Variants in OARD1 observed in about 807,000 individuals in gnomAD.
The protein encoded by OARD1 is O-acyl-ADP-ribose deacylase 1.
OARD1 carries 19 observed loss-of-function variants against 19.7 expected under a neutral mutation model. That is an observed-to-expected ratio of 0.96 (90% CI 0.67 to 1.41). The LOEUF is 1.41. Among genes scored for constraint, OARD1 ranks in the 40% most tolerant of loss-of-function variants. The pLI is 0.00. For synonymous variants in OARD1, 70 were observed against 61.8 expected, an observed-to-expected ratio of 1.13 and a Z score of -0.62; for missense variants, 190 against 183.8, an observed-to-expected ratio of 1.03 and a Z score of -0.20.
intron 1 of OARD1, among the ~76,000 whole-genome samples, chr6:41,078,876 C>A (rs931260977): frequency 1.3e-5 from 2 of 152,176 alleles, no homozygotes; most frequent in African/African-American, 4.8e-5. Flanking sequence ...GCCATGTAAT[C>A]CCAGTTAAAA....
rs1242332186 is a variant in OARD1, at chr6:41,091,449, G to T, written c.-42+6264C>A. Reference sequence around the variant, plus strand: ...AGGATCGGTGAGTGTATACCAGATAGAAGAGGGACTAACTATGTTCCCTTC... The same window carrying T: ...AGGATCGGTGAGTGTATACCAGATATAAGAGGGACTAACTATGTTCCCTTC... On this transcript the variant is annotated intron_variant, in intron 1 of 4. Transcript: ENST00000480585. The T allele has an allele frequency of 3.5e-6, 5 of 1,429,244 alleles. No individual in the cohort carries two copies. In the East Asian group the frequency reaches 1.2e-4, roughly 34 times the overall value. The allele number at this position is 1,429,244 out of a possible 1,614,324, so 88.5% of individuals were successfully genotyped here. A position where few individuals can be genotyped will look rare whatever the true frequency, so the allele number is the denominator to read the frequency against.
chr6:41,072,619 C>CA (rs1763531125), upstream of OARD1: 1 of 152,380 alleles, frequency 6.6e-6, no homozygotes, highest in Non-Finnish European at 1.5e-5. Flanking sequence ...GAAACTGCCC[C>CA]ACGAGTCGGG....
intron 1 of OARD1, among the ~76,000 whole-genome samples, chr6:41,093,491 G>C (rs1764252059): frequency 6.7e-6 from 1 of 149,532 alleles, no homozygotes; most frequent in Non-Finnish European, 1.5e-5. Flanking sequence ...TTTTTCCTGA[G>C]ACTCAGTCTT....
chr6:41,076,280 C>G (rs946327040), upstream of OARD1, among the ~76,000 whole-genome samples: 2 of 152,124 alleles, frequency 1.3e-5, no homozygotes, highest in African/African-American at 4.8e-5. Flanking sequence ...CAAAGTGCAT[C>G]TTGTGTTGTA....
chr6:41,091,717 T>A (rs771918795), intron 1 of OARD1: 2 of 1,603,462 alleles, frequency 1.2e-6, no homozygotes, highest in East Asian at 2.2e-5. Flanking sequence ...ATTTTTCAGC[T>A]TTGTCTTTGA....
intron 1 of OARD1, among the ~76,000 whole-genome samples, chr6:41,083,483 G>GTA (rs59501357): frequency 0.032 from 4,941 of 152,216 alleles, 201 homozygotes; most frequent in East Asian, 0.11. Flanking sequence ...CAGGATAAAG[G>GTA]TATACATTTG....
upstream of OARD1, among the ~76,000 whole-genome samples, chr6:41,073,670 G>A (rs1241921289): frequency 6.6e-6 from 1 of 151,990 alleles, no homozygotes; most frequent in Non-Finnish European, 1.5e-5. Flanking sequence ...GGTCCCGTGT[G>A]CGGCTGGCAA....
intron 1 of OARD1, among the ~76,000 whole-genome samples, chr6:41,082,142 A>G (rs1480899557): frequency 6.6e-6 from 1 of 152,238 alleles, no homozygotes; most frequent in East Asian, 1.9e-4. Context: ...CATCCAGCAG[A>G]TAACTACCTC....
intron 1 of OARD1, chr6:41,084,042 C>G: frequency 6.3e-7 from 1 of 1,586,796 alleles, no homozygotes; most frequent in South Asian, 1.2e-5. Context: ...TTATTTCATT[C>G]TAGGTCCAAG....
chr6:41,086,314 AG>A (rs1764042812), intron 1 of OARD1, among the ~76,000 whole-genome samples: 1 of 152,212 alleles, frequency 6.6e-6, no homozygotes, highest in South Asian at 2.1e-4. Flanking sequence ...GATGATATCT[AG>A]GGTTCATTCT....
chr6:41,083,072 T>C (rs1273043309), intron 1 of OARD1, among the ~76,000 whole-genome samples: 1 of 152,266 alleles, frequency 6.6e-6, no homozygotes, highest in African/African-American at 2.4e-5. Flanking sequence ...TATTCTGTTC[T>C]AAGTAATTTC....
chr6:41,071,284 A>C lies in OARD1; in HGVS notation c.40-8T>G. ...TCCTTTCACATAAGTGATCTAAAAAATGTGCAAAGGAAAAGACAATGTTTT... is the reference window on the plus strand; with the variant it reads ...TCCTTTCACATAAGTGATCTAAAAACTGTGCAAAGGAAAAGACAATGTTTT... On this transcript the variant is annotated splice_region_variant and splice_polypyrimidine_tract_variant and intron_variant, in intron 2 of 5. Transcript: ENST00000424266. 1 of 1,612,872 alleles carries C rather than the reference A, an allele frequency of 6.2e-7. No individual in the cohort carries two copies. Among genetic ancestry groups the C allele is most frequent in the African/African-American group, 1.3e-5 (1 of 74,932 alleles).
At chr6:41,091,384 A>G (rs1764193877) in intron 1 of OARD1, 1 of 695,554 alleles carries the variant, frequency 1.4e-6, no homozygotes, top group Admixed American at 2.9e-5. Flanking sequence ...ACAGTGGGAG[A>G]GTACTTTTTC....
In OARD1 at chr6:41,085,682, G is replaced by A. The variant is rs9471473; in HGVS notation, c.-42+12031C>T. Reference sequence around the variant, plus strand: ...CTCATAAATCAAACTTGTACTTTTTGTGTATTCTTTTGTGTTTTTATGCAT... The same window carrying A: ...CTCATAAATCAAACTTGTACTTTTTATGTATTCTTTTGTGTTTTTATGCAT... On this transcript the variant is annotated intron_variant, in intron 1 of 4. Transcript: ENST00000480585. Among the ~76,000 whole-genome samples, 539 of 152,022 alleles carry A rather than the reference G, an allele frequency of 3.5e-3. 3 individuals are homozygous for A. Among genetic ancestry groups the A allele is most frequent in the African/African-American group, 0.012 (512 of 41,458 alleles).
chr6:41,086,102 T>G (rs1466008259), intron 1 of OARD1, among the ~76,000 whole-genome samples: 1 of 152,234 alleles, frequency 6.6e-6, no homozygotes, highest in Non-Finnish European at 1.5e-5. Context: ...CTTTCTGTTC[T>G]TCTCTCTTTG....
At chr6:41,092,945 C>T in intron 1 of OARD1, 1 of 1,613,744 alleles carries the variant, frequency 6.2e-7, no homozygotes, top group Non-Finnish European at 8.5e-7. Flanking sequence ...GCCTGCTATC[C>T]AAAGAATCCC....
At chr6:41,094,457 G>A (rs1428260456) in intron 1 of OARD1, 1 of 1,614,064 alleles carries the variant, frequency 6.2e-7, no homozygotes, top group Non-Finnish European at 8.5e-7. Flanking sequence ...GAAGGTGGAC[G>A]ATTTTTCTCT....
chr6:41,095,418 A>G (rs576201536), intron 1 of OARD1, among the ~76,000 whole-genome samples: 16 of 152,154 alleles, frequency 1.1e-4, no homozygotes, highest in Admixed American at 5.2e-4. Context: ...GTTTAATTAA[A>G]TACCCTATCT....
At chr6:41,090,988 C>A (rs929381292) in intron 1 of OARD1, among the ~76,000 whole-genome samples, 1 of 152,200 alleles carries the variant, frequency 6.6e-6, no homozygotes, top group African/African-American at 2.4e-5. Flanking sequence ...TAACTGTGTG[C>A]TCTTGTATTA....
Sources: gnomAD v4.1 joint callset for allele counts (sites outside exome capture counted in the v4.1 genomes callset) on GRCh38, gnomAD v4.1.1 for gene constraint, MANE v1.5 for transcripts, NCBI Gene and HGNC (gene_info 2026-07-23, HGNC 2026-07-21) for gene names.